The following DCPS variants were observed in gnomAD, a reference collection of about 807,000 sequenced individuals.
DCPS encodes the protein m7GpppX diphosphatase.
Under a neutral mutation model 34.7 loss-of-function variants are expected in DCPS, and 27 were observed. The ratio of observed to expected loss-of-function variants is 0.78; its 90% CI spans 0.57 to 1.07. The LOEUF (loss-of-function observed/expected upper bound fraction) is 1.07. DCPS is among the 50% of genes least tolerant of loss of function. DCPS has a pLI of 0.00. For synonymous variants in DCPS, 185 were observed against 185.7 expected (o/e 1.00, Z 0.03); for missense variants, 464 against 436.9 (o/e 1.06, Z -0.55).
Position 126,335,136 on chromosome 11 carries a change from A to G in DCPS, c.523-3150A>G, listed in dbSNP as rs1194356140. Among the ~76,000 whole-genome samples, 9 of 152,254 alleles carry G rather than the reference A, an allele frequency of 5.9e-5. No homozygotes were observed. The highest frequency in any genetic ancestry group is 8.8e-5 in the Non-Finnish European group (6 of 68,038). ...AATGGGCAGAGCTAAGACACCTGGGAGACGTGGCCAGGCCACACATGGCTG... is the reference window on the plus strand; with the variant it reads ...AATGGGCAGAGCTAAGACACCTGGGGGACGTGGCCAGGCCACACATGGCTG... On this transcript the variant is annotated intron_variant, in intron 3 of 5. Transcript: ENST00000263579. The surrounding 1 kb of genome is among the most constrained non-coding windows in gnomAD (Gnocchi z 4.8).
rs111869785 is a variant in DCPS at position 126,348,790 on chromosome 11, C to G, written c.*3177C>G. ...CTCTCTATCCCTGGCCCCTAAGACA[C>G]TACCTGGCTCAGCAAACCAACCTTT... is the stretch of plus-strand genomic sequence containing the variant. On this transcript the variant is annotated 3_prime_UTR_variant, in exon 6 of 6. Transcript: ENST00000263579. The surrounding 1 kb of genome is among the most constrained non-coding windows in gnomAD (Gnocchi z 5.3). Among the ~76,000 whole-genome samples, 3 of 152,366 alleles carry G rather than the reference C, an allele frequency of 2.0e-5. No individual in the cohort carries two copies. Among genetic ancestry groups the G allele is most frequent in the Admixed American group, 6.5e-5 (1 of 15,308 alleles).
chr11:126,316,535 G>A (rs1035067830), intron 2 of DCPS, among the ~76,000 whole-genome samples: 2 of 151,992 alleles, frequency 1.3e-5, no homozygotes, highest in African/African-American at 4.8e-5. Context: ...CTTTAAGCAA[G>A]TTGTTCAGGT....
Position 126,332,017 on chromosome 11 carries a change from C to T in DCPS, c.522+467C>T, listed in dbSNP as rs1565377793. On this transcript the variant is annotated intron_variant, in intron 3 of 5. Coordinates refer to ENST00000263579, the MANE Select transcript of DCPS (RefSeq NM_014026.6). The surrounding 1 kb of genome is among the most constrained non-coding windows in gnomAD (Gnocchi z 5.4). ...CTCTGCAGTAGCCTTGATCCAGCCT[C>T]GGGATGACTGTGCCATTGCTTTGGG... Among the ~76,000 whole-genome samples, 1 of 152,118 alleles carries T rather than the reference C, an allele frequency of 6.6e-6. No homozygotes were observed. The highest frequency in any genetic ancestry group is 1.9e-4 in the East Asian group (1 of 5,180).
At chr11:126,310,488 G>T (rs1951611275) in intron 2 of DCPS, among the ~76,000 whole-genome samples, 1 of 152,210 alleles carries the variant, frequency 6.6e-6, no homozygotes, top group Non-Finnish European at 1.5e-5. Context: ...GGGGTCAGGG[G>T]TGGGGACATA....
Position 126,333,328 on chromosome 11 carries a change from A to G in DCPS, c.522+1778A>G, listed in dbSNP as rs1436734077. ...TATGTTTACTGAGTACCTACTATGGACCTGGTCCTATGCCAGGCTTTGGAG... is the reference window on the plus strand; with the variant it reads ...TATGTTTACTGAGTACCTACTATGGGCCTGGTCCTATGCCAGGCTTTGGAG... On this transcript the variant is annotated intron_variant, in intron 3 of 5. Coordinates refer to ENST00000263579, the MANE Select transcript of DCPS (RefSeq NM_014026.6). This position sits in a 1 kb window ranked among gnomAD's most constrained non-coding sequence, Gnocchi z 5.7. 6.6e-6 allele frequency among the ~76,000 whole-genome samples: 1 copy of G among 152,172 alleles called. No homozygotes were observed. Among genetic ancestry groups the G allele is most frequent in the African/African-American group, 2.4e-5 (1 of 41,440 alleles).
intron 2 of DCPS, among the ~76,000 whole-genome samples, chr11:126,318,841 G>A (rs1035382387): frequency 6.6e-6 from 1 of 152,240 alleles, no homozygotes; most frequent in African/African-American, 2.4e-5. Context: ...TGTATGGGAA[G>A]GAGAGCAGAC....
In DCPS at chr11:126,313,916, T is replaced by C. The variant is rs1198540695; in HGVS notation, c.376+7172T>C. Among the ~76,000 whole-genome samples, 1 of 152,204 alleles carries C rather than the reference T, an allele frequency of 6.6e-6. No individual in the cohort carries two copies. The highest frequency in any genetic ancestry group is 1.5e-5 in the Non-Finnish European group (1 of 68,044). On this transcript the variant is annotated intron_variant, in intron 2 of 5. Transcript: ENST00000263579. The surrounding 1 kb of genome is among the most constrained non-coding windows in gnomAD (Gnocchi z 4.9). ...TTGAAAGGTAAGACAAATTGGCAGG[T>C]CCTTAGATGGACTAGAAAGATCGTC...
chr11:126,304,167 G>C lies in DCPS; in HGVS notation c.87G>C (p.Glu29Asp). The C allele has an allele frequency of 6.2e-7, 1 of 1,614,276 alleles. No individual in the cohort carries two copies. Among genetic ancestry groups the C allele is most frequent in the Non-Finnish European group, 8.5e-7 (1 of 1,180,056 alleles). ...ACGCCGCCAGCACAGAGGAAAAGGA[G>C]GCAGGAGTTGGAAATGGTACCTGTG... ...EAHAASTEEK[E>D]AGVGNGTCAP... The change falls in exon 1 of 6, where the codon GAG becomes GAC. Residue 29 changes from glutamate (E) to aspartate (D), a missense_variant. Transcript: ENST00000263579.
In DCPS at chr11:126,329,756, G is replaced by A. The variant is rs947887461; in HGVS notation, c.377-1649G>A. Among the ~76,000 whole-genome samples the A allele has an allele frequency of 6.6e-6, 1 of 152,154 alleles. No individual in the cohort carries two copies. The highest frequency in any genetic ancestry group is 1.5e-5 in the Non-Finnish European group (1 of 68,036). On this transcript the variant is annotated intron_variant, in intron 2 of 5. Transcript: ENST00000263579. This position sits in a 1 kb window ranked among gnomAD's most constrained non-coding sequence, Gnocchi z 5.0. ...ACCCTCTTCACTGACGTATGAAAGC[G>A]GGGTTAAAACCACCTATGACCTCAG...
Position 126,346,395 on chromosome 11 carries a change from A to G in DCPS, c.*782A>G, listed in dbSNP as rs894161356. On this transcript the variant is annotated 3_prime_UTR_variant, in exon 6 of 6. Coordinates refer to ENST00000263579, the MANE Select transcript of DCPS (RefSeq NM_014026.6). The surrounding 1 kb of genome is among the most constrained non-coding windows in gnomAD (Gnocchi z 4.1). ...ATGATATGGTTGCAGTTGAATACAA[A>G]AGCCCGGAGGCGGCTCGGGTTCAAG... Among the ~76,000 whole-genome samples, 5 of 152,334 alleles carry G rather than the reference A, an allele frequency of 3.3e-5. No individual in the cohort carries two copies. Among genetic ancestry groups the G allele is most frequent in the South Asian group, 4.1e-4 (2 of 4,822 alleles).
chr11:126,347,218 C>T lies in DCPS; in HGVS notation c.*1605C>T, dbSNP rs899014950. Among the ~76,000 whole-genome samples, 9 of 145,798 alleles carry T rather than the reference C, an allele frequency of 6.2e-5. No homozygotes were observed. Among genetic ancestry groups the T allele is most frequent in the African/African-American group, 1.0e-4 (4 of 39,406 alleles). On this transcript the variant is annotated 3_prime_UTR_variant, in exon 6 of 6. Coordinates refer to ENST00000263579, the MANE Select transcript of DCPS (RefSeq NM_014026.6). The surrounding 1 kb of genome is among the most constrained non-coding windows in gnomAD (Gnocchi z 4.2). ...GCCTCCACTCAGCCATTCTTCCCTG[C>T]AGCTCTTTTTTTTTTTTTTTTTTTT...
Position 126,319,509 on chromosome 11 carries a change from C to T in DCPS, c.377-11896C>T, listed in dbSNP as rs1214600715. On this transcript the variant is annotated intron_variant, in intron 2 of 5. Coordinates refer to ENST00000263579, the MANE Select transcript of DCPS (RefSeq NM_014026.6). The surrounding 1 kb of genome is among the most constrained non-coding windows in gnomAD (Gnocchi z 4.5). Reference sequence around the variant, plus strand: ...GCTCTCCAGAGCTCAGGGGAGTGGACTCTCCTTCCCTGAGCTCCCCAGGAA... The same window carrying T: ...GCTCTCCAGAGCTCAGGGGAGTGGATTCTCCTTCCCTGAGCTCCCCAGGAA... Among the ~76,000 whole-genome samples the T allele has an allele frequency of 1.3e-5, 2 of 152,202 alleles. No individual in the cohort carries two copies. The highest frequency in any genetic ancestry group is 3.9e-4 in the East Asian group (2 of 5,166).
Position 126,304,938 on chromosome 11 carries a change from C to A in DCPS, c.201+657C>A, listed in dbSNP as rs553878077. On this transcript the variant is annotated intron_variant, in intron 1 of 5. Transcript: ENST00000263579. Reference sequence around the variant, plus strand: ...ACCATTCCAGGAACTAGTGAGGAGGCCTAGCCAGAGCAGATATGGGGGTTC... The same window carrying A: ...ACCATTCCAGGAACTAGTGAGGAGGACTAGCCAGAGCAGATATGGGGGTTC... Among the ~76,000 whole-genome samples, 20 of 152,150 alleles carry A rather than the reference C, an allele frequency of 1.3e-4. No individual in the cohort carries two copies. The South Asian group carries it at 4.0e-3, about 30-fold the overall frequency.
chr11:126,321,980 G>C (rs1473663453), intron 2 of DCPS, among the ~76,000 whole-genome samples: 2 of 152,166 alleles, frequency 1.3e-5, no homozygotes, highest in African/African-American at 4.8e-5. Context: ...CTGAATCCAA[G>C]AAGTTAAATA....
rs143810259 is a variant in DCPS at position 126,309,149 on chromosome 11, C to T, written c.376+2405C>T. ...AAGTGGTTTTCCTGCCTCAGCCTCCCGAGTAGCTGGGATTTACAGGCACAC... is the reference window on the plus strand; with the variant it reads ...AAGTGGTTTTCCTGCCTCAGCCTCCTGAGTAGCTGGGATTTACAGGCACAC... On this transcript the variant is annotated intron_variant, in intron 2 of 5. Coordinates refer to ENST00000263579, the MANE Select transcript of DCPS (RefSeq NM_014026.6). Among the ~76,000 whole-genome samples, 199 of 152,088 alleles carry T rather than the reference C, an allele frequency of 1.3e-3. 1 individual carries two copies. The highest frequency in any genetic ancestry group is 4.6e-3 in the African/African-American group (190 of 41,490).
At chr11:126,326,245 C>G (rs1297859784) in intron 2 of DCPS, among the ~76,000 whole-genome samples, 1 of 152,218 alleles carries the variant, frequency 6.6e-6, no homozygotes, top group Non-Finnish European at 1.5e-5. Context: ...TCATCCTGAG[C>G]AGGCGGTGCC....
chr11:126,340,047 G>A (rs751661746), intron 4 of DCPS, among the ~76,000 whole-genome samples: 1 of 152,192 alleles, frequency 6.6e-6, no homozygotes, highest in Non-Finnish European at 1.5e-5. Flanking sequence ...AGACTTGTCC[G>A]TCTGTATTCC....
rs909255461 is a variant in DCPS, at chr11:126,332,646, G to A, written c.522+1096G>A. Among the ~76,000 whole-genome samples, 3 of 152,196 alleles carry A rather than the reference G, an allele frequency of 2.0e-5. No homozygotes were observed. Among genetic ancestry groups the A allele is most frequent in the African/African-American group, 7.2e-5 (3 of 41,448 alleles). On this transcript the variant is annotated intron_variant, in intron 3 of 5. Coordinates refer to ENST00000263579, the MANE Select transcript of DCPS (RefSeq NM_014026.6). The surrounding 1 kb of genome is among the most constrained non-coding windows in gnomAD (Gnocchi z 5.4). ...AAGGAAAGGGAGGCTGACAGGGCCT[G>A]CAGGAATGAAGTTTCCTTGGGAGAC...
chr11:126,308,358 C>T (rs1049652603), intron 2 of DCPS, among the ~76,000 whole-genome samples: 2 of 152,168 alleles, frequency 1.3e-5, no homozygotes, highest in Admixed American at 1.3e-4. Context: ...TTGCAGATAT[C>T]TTGCCCCACA....
Sources: gnomAD v4.1 joint callset for allele counts (sites outside exome capture counted in the v4.1 genomes callset) on GRCh38, gnomAD v4.1.1 for gene constraint, Gnocchi (gnomAD v3.1) non-coding constraint, MANE v1.5 for transcripts, NCBI Gene and HGNC (gene_info 2026-07-23, HGNC 2026-07-21) for gene names.